Variants in KLRF2 observed in about 807,000 individuals in gnomAD.
KLRF2 encodes the protein killer cell lectin like receptor F2.
A neutral mutation model predicts 25.3 loss-of-function variants in KLRF2; 28 were observed. The ratio of observed to expected loss-of-function variants is 1.11; its 90% CI spans 0.82 to 1.52. The LOEUF (loss-of-function observed/expected upper bound fraction) is 1.52, where lower values mean the gene tolerates loss of function less well. Ranked by LOEUF, KLRF2 falls within the 40% of genes most tolerant of loss-of-function variation. KLRF2 has a pLI of 0.00. For synonymous variants in KLRF2, 73 were observed against 85.0 expected (o/e 0.86, Z 0.78); for missense variants, 265 against 245.8 (o/e 1.08, Z -0.52).
chr12:9,895,054 C>A (rs2137006409), intron 5 of KLRF2, among the ~76,000 whole-genome samples: 1 of 152,212 alleles, frequency 6.6e-6, no homozygotes, highest in East Asian at 1.9e-4. Flanking sequence ...AAAGGCATTC[C>A]ATTTATACAT....
At chr12:9,887,806 C>T (rs1862615740) in intron 2 of KLRF2, among the ~76,000 whole-genome samples, 1 of 149,546 alleles carries the variant, frequency 6.7e-6, no homozygotes, top group South Asian at 2.1e-4. Flanking sequence ...AATCCCAGCA[C>T]TTTGGGAGGC....
At chr12:9,888,473 G>T (rs867405525) in intron 2 of KLRF2, among the ~76,000 whole-genome samples, 18 of 151,524 alleles carry the variant, frequency 1.2e-4, no homozygotes, top group African/African-American at 3.9e-4. Context: ...CTGGGCAACA[G>T]AGTGAGACTC....
In KLRF2 at chr12:9,893,135, A is replaced by G. The variant is rs1337021907; in HGVS notation, c.333A>G (p.Ala111=). The G allele has an allele frequency of 1.3e-6, 2 of 1,534,156 alleles. No individual in the cohort carries two copies. Among genetic ancestry groups the G allele is most frequent in the African/African-American group, 2.7e-5 (2 of 73,006 alleles). The change falls in exon 4 of 6, where the codon GCA becomes GCG. Residue 111 remains alanine, a synonymous_variant. Coordinates refer to ENST00000535540, the MANE Select transcript of KLRF2 (RefSeq NM_001190765.1). ...ESQRDCTQLQ[A]HLLVIQNLDE... is the part of the protein sequence containing the mutation. ...AACGTGATTGTACACAGCTACAGGC[A>G]CATTTACTGGTGATTCAAAATTTGG...
At chr12:9,885,580 G>A (rs1862585214) in intron 2 of KLRF2, among the ~76,000 whole-genome samples, 1 of 151,852 alleles carries the variant, frequency 6.6e-6, no homozygotes. Flanking sequence ...CTAAAAATAG[G>A]TGAGTCCTAA....
intron 3 of KLRF2, among the ~76,000 whole-genome samples, chr12:9,891,700 T>C (rs1432375897): frequency 6.6e-6 from 1 of 152,188 alleles, no homozygotes; most frequent in Non-Finnish European, 1.5e-5. Flanking sequence ...TTTTCAGCAT[T>C]GGCCACTCTT....
At chr12:9,889,897 G>A (rs1862654110) in intron 3 of KLRF2, among the ~76,000 whole-genome samples, 1 of 151,808 alleles carries the variant, frequency 6.6e-6, no homozygotes, top group Non-Finnish European at 1.5e-5. Context: ...TTCTTCATCT[G>A]TAAATTGGGG....
chr12:9,891,661 A>G (rs1037779850), intron 3 of KLRF2, among the ~76,000 whole-genome samples: 37 of 152,274 alleles, frequency 2.4e-4, no homozygotes, highest in African/African-American at 8.7e-4. Flanking sequence ...AGTTATCCTG[A>G]ATCTTTTCAA....
At chr12:9,891,047 A>ATT (rs200627186) in intron 3 of KLRF2, among the ~76,000 whole-genome samples, 53 of 137,934 alleles carry the variant, frequency 3.8e-4, no homozygotes, top group African/African-American at 1.3e-3. Context: ...CCTCCTTTTA[A>ATT]TTTTTTTTTT....
At chr12:9,889,387 C>T (rs1421242772) in intron 3 of KLRF2, among the ~76,000 whole-genome samples, 3 of 152,066 alleles carry the variant, frequency 2.0e-5, no homozygotes, top group Non-Finnish European at 2.9e-5. Context: ...TTGGATTTTG[C>T]ATTTGTAGAT....
At chr12:9,889,717 A>G (rs1168919626) in intron 3 of KLRF2, among the ~76,000 whole-genome samples, 1 of 151,668 alleles carries the variant, frequency 6.6e-6, no homozygotes, top group Non-Finnish European at 1.5e-5. Context: ...TGTAAATGCC[A>G]TTGGTTGTGG....
intron 1 of KLRF2, among the ~76,000 whole-genome samples, chr12:9,884,662 T>C (rs1868131223): frequency 6.7e-6 from 1 of 149,850 alleles, no homozygotes. Flanking sequence ...TATTTGTATG[T>C]ATAATTTATA....
At chr12:9,884,178 G>A (rs1868125315) in intron 1 of KLRF2, among the ~76,000 whole-genome samples, 1 of 151,970 alleles carries the variant, frequency 6.6e-6, no homozygotes, top group African/African-American at 2.4e-5. Flanking sequence ...ATTGAAAGAG[G>A]ATTATTATAC....
intron 1 of KLRF2, among the ~76,000 whole-genome samples, chr12:9,882,919 G>T (rs1395208791): frequency 6.6e-6 from 1 of 152,136 alleles, no homozygotes; most frequent in African/African-American, 2.4e-5. Flanking sequence ...CTTTTATGTG[G>T]ATGTTAAACT....
chr12:9,892,904 A>C (rs1862697459), intron 3 of KLRF2, 116 bp from the exon 4 acceptor site: 9 of 323,946 alleles, frequency 2.8e-5, no homozygotes, highest in Non-Finnish European at 3.5e-5. Flanking sequence ...TTTATTGACC[A>C]AAAAAAAAAA....
chr12:9,885,725 T>C (rs1318089552), intron 2 of KLRF2, among the ~76,000 whole-genome samples: 4 of 152,006 alleles, frequency 2.6e-5, no homozygotes, highest in Non-Finnish European at 5.9e-5. Flanking sequence ...CAAAGATATA[T>C]CCTACTTAAT....
intron 1 of KLRF2, 52 bp downstream of exon 1, chr12:9,881,717 G>T: frequency 1.6e-6 from 2 of 1,237,514 alleles, no homozygotes; most frequent in Non-Finnish European, 2.3e-6. Context: ...ATTCTTCTAG[G>T]AAGAGAATTA....
intron 3 of KLRF2, among the ~76,000 whole-genome samples, chr12:9,892,243 AG>A (rs1862685041): frequency 1.3e-5 from 2 of 152,336 alleles, no homozygotes; most frequent in South Asian, 4.1e-4. Flanking sequence ...AAGGAAGAGG[AG>A]GCTATTCAAG....
intron 5 of KLRF2, among the ~76,000 whole-genome samples, chr12:9,895,011 C>T (rs960230444): frequency 6.6e-6 from 1 of 152,020 alleles, no homozygotes; most frequent in African/African-American, 2.4e-5. Flanking sequence ...TCATTAGTAA[C>T]TAGAAAGAAT....
chr12:9,884,968 G>C lies in KLRF2; in HGVS notation c.105G>C (p.Leu35=), dbSNP rs1565521093. The C allele has an allele frequency of 9.8e-6, 13 of 1,329,030 alleles. No individual in the cohort carries two copies. The highest frequency in any genetic ancestry group is 1.3e-5 in the Non-Finnish European group (13 of 1,029,600). The allele number at this position is 1,329,030 out of a possible 1,614,324, so 82.3% of individuals were successfully genotyped here. The change falls in exon 2 of 6, where the codon CTG becomes CTC. Residue 35 remains leucine, a synonymous_variant. Transcript: ENST00000535540. ...TATATCCACAATATTATTGTCTTCT[G>C]CTCATATTTGGATGCATTGTGATCC... ...FSLYPQYYCL[L]LIFGCIVILI... is the part of the protein sequence containing the mutation.
Sources: gnomAD v4.1 joint callset for allele counts (sites outside exome capture counted in the v4.1 genomes callset) on GRCh38, gnomAD v4.1.1 for gene constraint, MANE v1.5 for transcripts, NCBI Gene and HGNC (gene_info 2026-07-23, HGNC 2026-07-21) for gene names.